Variants in SLC9C2 observed in about 807,000 individuals in gnomAD.
SLC9C2 encodes the protein solute carrier family 9 member C2 (putative), also known as sodium/hydrogen exchanger 11.
SLC9C2 carries 75 observed loss-of-function variants against 140.2 expected under a neutral mutation model. The observed-to-expected ratio is 0.53, with a 90% CI of 0.44 to 0.65. The LOEUF (loss-of-function observed/expected upper bound fraction) is 0.65, where lower values mean the gene tolerates loss of function less well. Ranked by LOEUF, SLC9C2 falls within the 30% of genes least tolerant of loss-of-function variation. The probability of loss-of-function intolerance (pLI) is 0.00; values close to 1 mark genes in which losing one functional copy is unlikely to be tolerated. For missense variants in SLC9C2, 1,074 were observed against 1,331.8 expected, an observed-to-expected ratio of 0.81 and a Z score of 3.01; for synonymous variants, 375 against 420.9, an observed-to-expected ratio of 0.89 and a Z score of 1.34.
Position 173,601,786 on chromosome 1 carries a change from T to C in SLC9C2, c.-10A>G. 1.9e-6 allele frequency: 3 copies of C among 1,613,706 alleles called. No homozygotes were observed. The highest frequency in any genetic ancestry group is 2.5e-6 in the Non-Finnish European group (3 of 1,179,820). On this transcript the variant is annotated 5_prime_UTR_variant, in exon 2 of 28. Transcript: ENST00000367714. ...AGAAGTAAGAACTCATTTTTGCTGCTGCTTTTCCCCAGACCTAACTTGATG... is the reference window on the plus strand; with the variant it reads ...AGAAGTAAGAACTCATTTTTGCTGCCGCTTTTCCCCAGACCTAACTTGATG...
rs779810535 is a variant in SLC9C2 at position 173,534,624 on chromosome 1, T to C, written c.1834A>G (p.Thr612Ala). 2.2e-5 allele frequency: 34 copies of C among 1,562,946 alleles called. No individual in the cohort carries two copies. The highest frequency in any genetic ancestry group is 2.9e-5 in the Non-Finnish European group (33 of 1,157,884). The stretch of plus-strand genomic sequence containing the variant: ...TATATCAAATTTATAATCTGTCCTG[T>C]ATATTCAAATTCTTCAGAAAATACT... ...HIVFSEEFEY[T>A]GQIINLIYIY... Residue 612 changes from threonine to alanine, a missense_variant, in exon 16 of 28, where the codon ACA (threonine) becomes GCA (alanine). Transcript: ENST00000367714.
Position 173,587,761 on chromosome 1 carries a change from T to C in SLC9C2, c.427A>G (p.Asn143Asp). Reference protein sequence around the residue: ...IIIGYVVIKFNKDSWDLQSCL... With the variant: ...IIIGYVVIKFDKDSWDLQSCL... ...GATTGCAAATCCCATGAATCTTTAT[T>C]GAATTTTATAACGACATATCCAATT... is the stretch of plus-strand genomic sequence containing the variant. Residue 143 changes from asparagine (N) to aspartate (D), a missense_variant, in exon 5 of 28, where the codon AAT becomes GAT. Physicochemically the swap from Asn to Asp is conservative, Grantham distance 23 (BLOSUM62 1). Transcript: ENST00000367714. 1.9e-6 allele frequency: 3 copies of C among 1,613,264 alleles called. No homozygotes were observed. Among genetic ancestry groups the C allele is most frequent in the Non-Finnish European group, 2.5e-6 (3 of 1,179,438 alleles).
intron 9 of SLC9C2, chr1:173,571,588 T>C (rs1467637573): frequency 6.6e-6 from 1 of 152,210 alleles, no homozygotes; most frequent in African/African-American, 2.4e-5. Context: ...TCATAGTCTT[T>C]ATTATTTTCT....
In SLC9C2 at chr1:173,509,579, G is replaced by T; in HGVS notation, c.3028C>A (p.Leu1010Ile). ...STAYQYFESS[L>I]IDEDLRFQNC... ...ATCACATAACTTACCTCATCAATAA[G>T]ACTTGATTCAAAATACTGATAGGCA... is the stretch of plus-strand genomic sequence containing the variant. The change falls in exon 24 of 28, where the codon CTT (leucine) becomes ATT (isoleucine). Residue 1010 changes from leucine (L) to isoleucine (I), a missense_variant. By Grantham distance (5) the Leu-to-Ile change is conservative (BLOSUM62 2). Transcript: ENST00000367714. The T allele has an allele frequency of 2.6e-6, 4 of 1,559,178 alleles. No homozygotes were observed. Among genetic ancestry groups the T allele is most frequent in the Non-Finnish European group, 3.5e-6 (4 of 1,156,682 alleles).
In SLC9C2 at chr1:173,573,217, G is replaced by T; in HGVS notation, c.1011C>A (p.Phe337Leu). The T allele has an allele frequency of 6.4e-7, 1 of 1,566,752 alleles. No individual in the cohort carries two copies. Among genetic ancestry groups the T allele is most frequent in the Non-Finnish European group, 8.7e-7 (1 of 1,144,816 alleles). Residue 337 changes from phenylalanine to leucine, a missense_variant, in exon 9 of 28, where the codon TTC becomes TTA. Coordinates refer to ENST00000367714, the MANE Select transcript of SLC9C2 (RefSeq NM_178527.4). Reference protein sequence around the residue: ...LSHYEFHTIPFIFILFTTVNL... With the variant: ...LSHYEFHTIPLIFILFTTVNL... ...TCACTGTTGTAAATAAAATGAATAT[G>T]AAAGGTATAGTGTGAAATTCATAGT...
In SLC9C2 at chr1:173,590,908, CTTTTA is replaced by C. The variant is rs1414794704; in HGVS notation, c.358-3083_358-3079del. On this transcript the variant is annotated intron_variant, in intron 4 of 27. Transcript: ENST00000367714. ...TTTAATATTTTCTTTTAAAAAAATA[CTTTTA>C]TTTTAGGTTCTGGGGTACATGTGTA... 2.6e-5 allele frequency among the ~76,000 whole-genome samples: 4 copies of C among 152,204 alleles called. No homozygotes were observed. In the East Asian group the frequency reaches 5.8e-4, roughly 22 times the overall value.
intron 9 of SLC9C2, among the ~76,000 whole-genome samples, chr1:173,561,088 G>A (rs1664072649): frequency 6.6e-6 from 1 of 152,156 alleles, no homozygotes; most frequent in South Asian, 2.1e-4. Flanking sequence ...GAGCCACCGT[G>A]CCCGGCCCCA....
intron 2 of SLC9C2, 43 bp from the exon 3 acceptor site, chr1:173,600,260 C>T (rs1176280008): frequency 1.4e-6 from 2 of 1,389,812 alleles, no homozygotes; most frequent in Non-Finnish European, 2.0e-6. Flanking sequence ...ACTCGAAGTA[C>T]AGTTTCTACC....
chr1:173,505,361 A>G (rs1659559555), intron 25 of SLC9C2, 30 bp from the exon 26 acceptor site: 1 of 1,543,752 alleles, frequency 6.5e-7, no homozygotes, highest in East Asian at 2.3e-5. Context: ...ATTAGTCAAA[A>G]GAGCATTCTT....
At chr1:173,579,379 T>G (rs1449049902) in intron 7 of SLC9C2, among the ~76,000 whole-genome samples, 1 of 152,304 alleles carries the variant, frequency 6.6e-6, no homozygotes, top group Admixed American at 6.5e-5. Flanking sequence ...ATTTATCCCA[T>G]GAAAATTGAC....
intron 9 of SLC9C2, among the ~76,000 whole-genome samples, chr1:173,557,931 A>G (rs1663820150): frequency 6.6e-6 from 1 of 152,230 alleles, no homozygotes; most frequent in Non-Finnish European, 1.5e-5. Context: ...GCACATTAAT[A>G]AACAATAAAT....
intron 7 of SLC9C2, among the ~76,000 whole-genome samples, chr1:173,579,942 T>C (rs901799561): frequency 1.3e-5 from 2 of 152,202 alleles, no homozygotes; most frequent in Non-Finnish European, 2.9e-5. Flanking sequence ...ATGCCACACA[T>C]TGACTGGAAG....
intron 13 of SLC9C2, among the ~76,000 whole-genome samples, chr1:173,544,450 C>T (rs1160244986): frequency 2.0e-5 from 3 of 152,126 alleles, no homozygotes; most frequent in East Asian, 1.9e-4. Flanking sequence ...GACAGTGTGG[C>T]GATTCCTCAA....
chr1:173,595,820 G>A (rs1666419680), intron 4 of SLC9C2, among the ~76,000 whole-genome samples: 1 of 151,936 alleles, frequency 6.6e-6, no homozygotes, highest in African/African-American at 2.4e-5. Context: ...TACTCTTTTG[G>A]TGTACAGTTA....
intron 13 of SLC9C2, among the ~76,000 whole-genome samples, 175 bp downstream of exon 13, chr1:173,547,514 A>C (rs1476192659): frequency 6.6e-6 from 1 of 151,752 alleles, no homozygotes; most frequent in Non-Finnish European, 1.5e-5. Context: ...TTAAACTTCA[A>C]GCCTCAGGAA....
At chr1:173,526,938 C>T (rs926170410) in intron 18 of SLC9C2, among the ~76,000 whole-genome samples, 2 of 151,974 alleles carry the variant, frequency 1.3e-5, no homozygotes, top group Admixed American at 1.3e-4. Flanking sequence ...CTCCACTTCC[C>T]GGGTTCAAGT....
Position 173,535,972 on chromosome 1 carries a change from T to C in SLC9C2, c.1656-23A>G, listed in dbSNP as rs373741255. The C allele has an allele frequency of 2.4e-4, 354 of 1,476,642 alleles. 1 individual carries two copies. The highest frequency in any genetic ancestry group is 2.3e-3 in the Middle Eastern group (13 of 5,540). The allele number at this position is 1,476,642 out of a possible 1,614,324, so 91.5% of individuals were successfully genotyped here. A position where few individuals can be genotyped will look rare whatever the true frequency, so the allele number is the denominator to read the frequency against. On this transcript the variant is annotated intron_variant, in intron 14 of 27. Coordinates refer to ENST00000367714, the MANE Select transcript of SLC9C2 (RefSeq NM_178527.4). ...AATCTAACAGAGAAAAATGTACATA[T>C]GTGTTATAATAAAAAGCAAGTGCTA...
chr1:173,513,582 T>C (rs375072489), intron 23 of SLC9C2, among the ~76,000 whole-genome samples: 5 of 152,178 alleles, frequency 3.3e-5, no homozygotes, highest in Non-Finnish European at 7.4e-5. Flanking sequence ...GTCTATTTTG[T>C]TAATTTTTTC....
chr1:173,590,008 C>A (rs551640274), intron 4 of SLC9C2, among the ~76,000 whole-genome samples: 1 of 152,256 alleles, frequency 6.6e-6, no homozygotes, highest in East Asian at 1.9e-4. Context: ...TCTGGGGGGC[C>A]CAGGCGAGCA....
Sources: gnomAD v4.1 joint callset for allele counts (sites outside exome capture counted in the v4.1 genomes callset) on GRCh38, gnomAD v4.1.1 for gene constraint, MANE v1.5 for transcripts, NCBI Gene and HGNC (gene_info 2026-07-23, HGNC 2026-07-21) for gene names.